Variants in RMDN2 observed in about 807,000 individuals in gnomAD.
RMDN2 encodes regulator of microtubule dynamics 2.
In RMDN2, 61 loss-of-function variants were observed where a neutral mutation model predicts 52.8. That is an observed-to-expected ratio of 1.16 (90% CI 0.94 to 1.43). The LOEUF is 1.43. RMDN2 is among the 40% of genes most tolerant of loss of function. The pLI is 0.00. For missense variants in RMDN2, 592 were observed against 475.3 expected (o/e 1.25, Z -2.28); for synonymous variants, 180 against 153.1 (o/e 1.18, Z -1.30).
At chr2:38,005,770 C>T (rs986740128) in intron 10 of RMDN2, among the ~76,000 whole-genome samples, 1 of 152,156 alleles carries the variant, frequency 6.6e-6, no homozygotes, top group Admixed American at 6.5e-5. Context: ...CACATGAAGT[C>T]CTTGCCCATG....
rs763336542 is a variant in RMDN2, at chr2:38,026,152, A to G, written c.1713+21936A>G. On this transcript the variant is annotated intron_variant, in intron 10 of 10. Transcript: ENST00000234195. ...TTTTAAGAGATACAGGGCTATTTAG[A>G]TTATCTTTCTTCTGGAGTGATCTTT... 3.9e-5 allele frequency among the ~76,000 whole-genome samples: 6 copies of G among 152,186 alleles called. No individual in the cohort carries two copies. The East Asian group carries it at 9.6e-4, about 24-fold the overall frequency.
downstream of RMDN2, among the ~76,000 whole-genome samples, chr2:38,018,810 A>G (rs907417322): frequency 6.6e-6 from 1 of 152,212 alleles, no homozygotes; most frequent in Non-Finnish European, 1.5e-5. Flanking sequence ...CCTCTTAATC[A>G]GCCTCATCTT....
In RMDN2 at chr2:38,028,203, A is replaced by C. The variant is rs144506694; in HGVS notation, c.1713+23987A>C. The C allele has an allele frequency of 3.9e-4, 60 of 152,376 alleles. No individual in the cohort carries two copies. In the East Asian group the frequency reaches 0.011, roughly 28 times the overall value. The allele number at this position is 152,376 out of a possible 1,614,324, so 9.4% of individuals were successfully genotyped here. On this transcript the variant is annotated intron_variant, in intron 10 of 10. Coordinates refer to the RMDN2 transcript ENST00000234195. ...GGAGAATCTTTAAGAAAAAGAATAC[A>C]AAATTACAAACACAAAATTAAGTAT... is the stretch of plus-strand genomic sequence containing the variant.
At chr2:37,996,964 G>A (rs1675636529) in intron 7 of RMDN2, among the ~76,000 whole-genome samples, 1 of 152,098 alleles carries the variant, frequency 6.6e-6, no homozygotes, top group Non-Finnish European at 1.5e-5. Context: ...TGGGTCAGGA[G>A]GCCAGTTGGC....
intron 10 of RMDN2, among the ~76,000 whole-genome samples, chr2:38,027,758 T>C (rs1558569570): frequency 6.6e-6 from 1 of 152,226 alleles, no homozygotes; most frequent in Admixed American, 6.5e-5. Flanking sequence ...ACAACCCACC[T>C]AATTTAAAAT....
intron 2 of RMDN2, among the ~76,000 whole-genome samples, chr2:37,938,841 A>G (rs1667539854): frequency 6.6e-6 from 1 of 152,076 alleles, no homozygotes; most frequent in African/African-American, 2.4e-5. Flanking sequence ...TCTTTTCAAA[A>G]CACCAGCTCC....
intron 2 of RMDN2, chr2:37,949,980 G>A: frequency 5.9e-6 from 1 of 169,516 alleles, no homozygotes; most frequent in Non-Finnish European, 1.3e-5. Context: ...CAGTCAGATG[G>A]CATACTTTAC....
intron 10 of RMDN2, among the ~76,000 whole-genome samples, chr2:38,025,181 C>T (rs1679684262): frequency 2.0e-5 from 3 of 152,052 alleles, no homozygotes; most frequent in Admixed American, 1.3e-4. Context: ...TAGTTCCTTT[C>T]AGCAATATTT....
intron 10 of RMDN2, among the ~76,000 whole-genome samples, chr2:38,031,278 T>C (rs1298039749): frequency 6.7e-6 from 1 of 148,796 alleles, no homozygotes; most frequent in African/African-American, 2.5e-5. Flanking sequence ...TTTTTTTTTT[T>C]TTGAGATGGG....
At chr2:37,926,126 C>T (rs1489265275) in intron 1 of RMDN2, among the ~76,000 whole-genome samples, 4 of 152,150 alleles carry the variant, frequency 2.6e-5, no homozygotes, top group Non-Finnish European at 4.4e-5. Context: ...TGTAATGTCT[C>T]TTTATCCTTG....
At chr2:37,931,559 G>T (rs1383719593) in intron 2 of RMDN2, among the ~76,000 whole-genome samples, 1 of 152,214 alleles carries the variant, frequency 6.6e-6, no homozygotes, top group Non-Finnish European at 1.5e-5. Context: ...AGGGTGAATG[G>T]CCTTCAATCT....
In RMDN2 at chr2:37,962,176, C is replaced by G. The variant is rs150006485; in HGVS notation, c.453-11864C>G. ...CGTCCGGAGGCACAAGGGTCAGGGA[C>G]TCACTTGAGGAGGCAATCTGTCCCT... On this transcript the variant is annotated intron_variant, in intron 2 of 10. Coordinates refer to ENST00000354545, the MANE Select transcript of RMDN2 (RefSeq NM_001170791.3). Among the ~76,000 whole-genome samples the G allele has an allele frequency of 2.2e-3, 328 of 152,338 alleles. 2 individuals carry two copies. Among genetic ancestry groups the G allele is most frequent in the African/African-American group, 7.6e-3 (315 of 41,582 alleles).
chr2:37,944,732 T>C (rs553377720), intron 2 of RMDN2, among the ~76,000 whole-genome samples: 1 of 152,328 alleles, frequency 6.6e-6, no homozygotes, highest in African/African-American at 2.4e-5. Context: ...GAGTAGACAC[T>C]TATTTCAAGG....
At chr2:37,963,385 T>C (rs1286744680) in intron 2 of RMDN2, among the ~76,000 whole-genome samples, 18 of 149,434 alleles carry the variant, frequency 1.2e-4, no homozygotes, top group African/African-American at 4.5e-4. Flanking sequence ...GGCAGGGTCA[T>C]AGGACAATAG....
chr2:37,951,604 G>A (rs756392960), intron 2 of RMDN2: 19 of 1,613,122 alleles, frequency 1.2e-5, no homozygotes, highest in Middle Eastern at 3.3e-4. Flanking sequence ...TTCTCATCCC[G>A]TAAACTAAGT....
chr2:37,929,189 A>T, intron 1 of RMDN2, 73 bp from the exon 2 acceptor site: 1 of 885,794 alleles, frequency 1.1e-6, no homozygotes, highest in South Asian at 1.8e-5. Context: ...TTGTTGATTG[A>T]AAAAGCACCT....
At chr2:38,013,312 G>A (rs1678268562) in intron 10 of RMDN2, among the ~76,000 whole-genome samples, 1 of 152,194 alleles carries the variant, frequency 6.6e-6, no homozygotes, top group African/African-American at 2.4e-5. Flanking sequence ...TGTATGATAA[G>A]AGGTGCTAAA....
In RMDN2 at chr2:38,017,730, T is replaced by C. The variant is rs1679000201; in HGVS notation, c.*491T>C. 2 of 360,924 alleles carry C rather than the reference T, an allele frequency of 5.5e-6. No homozygotes were observed. Among genetic ancestry groups the C allele is most frequent in the Non-Finnish European group, 1.0e-5 (2 of 196,116 alleles). 22.4% of individuals were successfully genotyped at this position (360,924 alleles called of 1,614,324 possible). A position where few individuals can be genotyped will look rare whatever the true frequency, so the allele number is the denominator to read the frequency against. On this transcript the variant is annotated 3_prime_UTR_variant, in exon 11 of 11. Transcript: ENST00000354545. ...TGTGAATAAAATTACAATAAAATAC[T>C]GTTTTACCATCAAACTAGCTTTCAC...
chr2:38,042,083 T>G (rs113272630), intron 10 of RMDN2, among the ~76,000 whole-genome samples: 102 of 152,294 alleles, frequency 6.7e-4, no homozygotes, highest in Non-Finnish European at 1.0e-3. Context: ...TCTGTTGCTA[T>G]CTGCTTTGGA....
Sources: gnomAD v4.1 joint callset for allele counts (sites outside exome capture counted in the v4.1 genomes callset) on GRCh38, gnomAD v4.1.1 for gene constraint, MANE v1.5 for transcripts, NCBI Gene and HGNC (gene_info 2026-07-23, HGNC 2026-07-21) for gene names.